KIAA0232: variants seen among roughly 807,000 people sequenced by gnomAD.
KIAA0232 encodes uncharacterized protein KIAA0232.
Under a neutral mutation model 122.0 loss-of-function variants are expected in KIAA0232, and 27 were observed. That is an observed-to-expected ratio of 0.22 (90% confidence interval 0.16 to 0.31). The LOEUF (loss-of-function observed/expected upper bound fraction) is 0.31. Among genes scored for constraint, KIAA0232 ranks in the 10% least tolerant of loss-of-function variants. The pLI is 1.00. For missense variants in KIAA0232, 1,551 were observed against 1,634.2 expected (o/e 0.95, Z 0.88); for synonymous variants, 613 against 587.6 (o/e 1.04, Z -0.63).
In KIAA0232 at chr4:6,862,223, T is replaced by A. The variant is rs372918347; in HGVS notation, c.1841T>A (p.Leu614His). The A allele has an allele frequency of 1.1e-5, 18 of 1,614,134 alleles. No individual in the cohort carries two copies. The African/African-American group carries it at 2.3e-4, about 20-fold the overall frequency. The change falls in exon 7 of 10, where the codon CTC (leucine) becomes CAC (histidine). Residue 614 changes from leucine (L) to histidine (H), a missense_variant. This residue lies in a region of KIAA0232 where 1,108 missense variants were observed against 1,154.8 expected (regional missense o/e 0.96). Coordinates refer to ENST00000307659, the MANE Select transcript of KIAA0232 (RefSeq NM_014743.3). ...TTTGGAGGAGACTCTCCAGTTAGAC[T>A]CTCTCCCATCTTAGACAGCACAGTG... ...ESFGGDSPVR[L>H]SPILDSTVLN... is the part of the protein sequence containing the mutation.
At chr4:6,871,771 GAA>G (rs1390036293) in intron 8 of KIAA0232, 89 bp downstream of exon 8, 1 of 813,508 alleles carries the variant, frequency 1.2e-6, no homozygotes, top group African/African-American at 1.7e-5. Context: ...ATCAGTCCAA[GAA>G]ACATTTACCA....
rs770975807 is a variant in KIAA0232, at chr4:6,863,318, G to A, written c.2936G>A (p.Gly979Glu). The A allele has an allele frequency of 8.1e-6, 13 of 1,614,144 alleles. No homozygotes were observed. In the South Asian group the frequency reaches 1.4e-4, roughly 18 times the overall value. ...IAGTDVFMTPGNSFAPGHRQL... is the reference protein window; with the variant it reads ...IAGTDVFMTPENSFAPGHRQL... ...GGTACAGATGTCTTTATGACCCCAG[G>A]AAACAGTTTTGCTCCTGGGCACAGG... The change falls in exon 7 of 10, where the codon GGA becomes GAA. Residue 979 changes from glycine to glutamate, a missense_variant. Transcript: ENST00000307659.
chr4:6,861,616 G>T lies in KIAA0232; in HGVS notation c.1234G>T (p.Val412Phe). 6.2e-7 allele frequency: 1 copy of T among 1,614,012 alleles called. No homozygotes were observed. Among genetic ancestry groups the T allele is most frequent in the African/African-American group, 1.3e-5 (1 of 75,050 alleles). ...CACCGAGCCAATTGCTGAATATTTT[G>T]TTCCTCTGAGCAGAAAAAGTAAACT... ...WYTEPIAEYF[V>F]PLSRKSKLET... Residue 412 changes from valine (V) to phenylalanine (F), a missense_variant, in exon 7 of 10, where the codon GTT (valine) becomes TTT (phenylalanine). This residue lies in a region of KIAA0232 where 1,108 missense variants were observed against 1,154.8 expected (regional missense o/e 0.96). Coordinates refer to ENST00000307659, the MANE Select transcript of KIAA0232 (RefSeq NM_014743.3).
chr4:6,865,904 A>T (rs1721151361), intron 7 of KIAA0232, among the ~76,000 whole-genome samples: 1 of 152,102 alleles, frequency 6.6e-6, no homozygotes, highest in Non-Finnish European at 1.5e-5. Context: ...AGTTATTTAT[A>T]TCCTGGACTA....
At position 6,788,532 on chromosome 4, in the gene KIAA0232, C is replaced by T. The variant is rs143582714; in HGVS notation, c.-354+5691C>T. ...GTGCTAGCCTGATACCTCTACTTAT[C>T]TATTTTTTCCTTATGACTTTTTAGT... is the stretch of plus-strand genomic sequence containing the variant. On this transcript the variant is annotated intron_variant, in intron 1 of 9. Transcript: ENST00000307659. Among the ~76,000 whole-genome samples, 513 of 152,316 alleles carry T rather than the reference C, an allele frequency of 3.4e-3. 2 individuals are homozygous for T. The highest frequency in any genetic ancestry group is 0.012 in the African/African-American group (483 of 41,560).
At chr4:6,872,802 C>T (rs937937343) in intron 8 of KIAA0232, among the ~76,000 whole-genome samples, 4 of 152,248 alleles carry the variant, frequency 2.6e-5, no homozygotes, top group Admixed American at 6.5e-5. Flanking sequence ...GCCCTGCACA[C>T]GCCTGTGTTG....
chr4:6,880,910 G>C lies in KIAA0232; in HGVS notation c.4132G>C (p.Gly1378Arg). The stretch of plus-strand genomic sequence containing the variant: ...CTCGGAAGAGACAGGCTCAGAAGGC[G>C]GAGGCGAGTGGGTGGGCCCTAGTGA... ...STSEETGSEG[G>R]GEWVGPSEEE... is the part of the protein sequence containing the mutation. The change falls in exon 10 of 10, where the codon GGA (glycine) becomes CGA (arginine). Residue 1378 changes from glycine (G) to arginine (R), a missense_variant. This residue lies in a region of KIAA0232 where 1,108 missense variants were observed against 1,154.8 expected (regional missense o/e 0.96). Coordinates refer to ENST00000307659, the MANE Select transcript of KIAA0232 (RefSeq NM_014743.3). The C allele has an allele frequency of 6.2e-7, 1 of 1,605,508 alleles. No homozygotes were observed.
In KIAA0232 at chr4:6,880,865, T is replaced by C; in HGVS notation, c.4087T>C (p.Cys1363Arg). The C allele has an allele frequency of 2.5e-6, 4 of 1,607,666 alleles. 1 individual carries two copies. The highest frequency in any genetic ancestry group is 2.2e-5 in the South Asian group (2 of 89,378). The change falls in exon 10 of 10, where the codon TGC becomes CGC. Residue 1363 changes from cysteine to arginine, a missense_variant. Around this residue, in one of 5 missense-constraint regions of KIAA0232, gnomAD observed 1,108 missense variants for 1,154.8 expected, o/e 0.96. Transcript: ENST00000307659. ...AKSDGFRGKMCSSASSTSEET... is the reference protein window; with the variant it reads ...AKSDGFRGKMRSSASSTSEET... Reference sequence around the variant, plus strand: ...GTCAGATGGCTTCCGCGGAAAGATGTGCTCCAGCGCCAGCTCCACCTCGGA... The same window carrying C: ...GTCAGATGGCTTCCGCGGAAAGATGCGCTCCAGCGCCAGCTCCACCTCGGA...
At chr4:6,850,034 A>G (rs1403736782) in intron 4 of KIAA0232, among the ~76,000 whole-genome samples, 2 of 152,182 alleles carry the variant, frequency 1.3e-5, no homozygotes, top group Non-Finnish European at 2.9e-5. Flanking sequence ...AAGGTAGAAA[A>G]TTGGGATTTT....
rs766764311 is a variant in KIAA0232, at chr4:6,842,093, A to G, written c.258A>G (p.Glu86=). The change falls in exon 4 of 10, where the codon GAA becomes GAG. Residue 86 remains glutamate (E), a synonymous_variant. Transcript: ENST00000307659. ...AGAATGACATCTTCCTGGGCTGGGA[A>G]AAAGGAGCTTATAAGAAATGGGGAA... ...EQENDIFLGW[E]KGAYKKWGKS... is the part of the protein sequence containing the mutation. 2.5e-6 allele frequency: 4 copies of G among 1,613,748 alleles called. No individual in the cohort carries two copies. The highest frequency in any genetic ancestry group is 2.2e-5 in the South Asian group (2 of 91,038).
chr4:6,878,715 A>G (rs1721891020), intron 9 of KIAA0232, among the ~76,000 whole-genome samples: 1 of 152,122 alleles, frequency 6.6e-6, no homozygotes, highest in African/African-American at 2.4e-5. Flanking sequence ...AGCCATTTGT[A>G]TCCTGTCTGG....
At chr4:6,825,634 A>G (rs1718640075) in intron 3 of KIAA0232, among the ~76,000 whole-genome samples, 2 of 152,112 alleles carry the variant, frequency 1.3e-5, no homozygotes, top group Admixed American at 1.3e-4. Context: ...TTCTTGAAAA[A>G]AATGTTAACC....
intron 1 of KIAA0232, among the ~76,000 whole-genome samples, chr4:6,790,736 C>T (rs1716856127): frequency 6.6e-6 from 1 of 151,756 alleles, no homozygotes; most frequent in Non-Finnish European, 1.5e-5. Flanking sequence ...AGCATTTTCC[C>T]TAAATATTTT....
intron 2 of KIAA0232, among the ~76,000 whole-genome samples, chr4:6,815,043 G>A (rs942240012): frequency 7.1e-6 from 1 of 141,754 alleles, no homozygotes; most frequent in South Asian, 2.2e-4. Flanking sequence ...GGAAGGGAAC[G>A]TTAAAAAAAA....
At chr4:6,783,644 G>C (rs1366582291) in intron 1 of KIAA0232, among the ~76,000 whole-genome samples, 1 of 150,678 alleles carries the variant, frequency 6.6e-6, no homozygotes. Context: ...GGGCGGGGCC[G>C]GGAGGCCGGC....
chr4:6,812,535 A>G (rs556192886), intron 2 of KIAA0232, among the ~76,000 whole-genome samples: 32 of 152,342 alleles, frequency 2.1e-4, no homozygotes, highest in Non-Finnish European at 3.4e-4. Context: ...ACACTAGTTA[A>G]TAAGCACACC....
At chr4:6,869,049 G>C (rs1360138268) in intron 7 of KIAA0232, among the ~76,000 whole-genome samples, 1 of 152,136 alleles carries the variant, frequency 6.6e-6, no homozygotes, top group Admixed American at 6.5e-5. Context: ...CCCCATACTT[G>C]GGAATGCAAA....
At chr4:6,880,675 C>A in intron 9 of KIAA0232, 112 bp from the exon 10 acceptor site, 1 of 728,470 alleles carries the variant, frequency 1.4e-6, no homozygotes, top group Non-Finnish European at 2.0e-6. Flanking sequence ...TTTGTAACTC[C>A]ACAGGAAAAC....
At chr4:6,873,029 C>T (rs1026210410) in intron 8 of KIAA0232, among the ~76,000 whole-genome samples, 5 of 152,220 alleles carry the variant, frequency 3.3e-5, no homozygotes, top group Admixed American at 6.5e-5. Flanking sequence ...TTAGCGTCTT[C>T]GTTGATTGAA....
Sources: gnomAD v4.1 joint callset for allele counts (sites outside exome capture counted in the v4.1 genomes callset) on GRCh38, gnomAD v4.1.1 for gene constraint, gnomAD v4.1.1 regional missense constraint, MANE v1.5 for transcripts, NCBI Gene and HGNC (gene_info 2026-07-23, HGNC 2026-07-21) for gene names.